The following GPR176 variants were observed in gnomAD, a reference collection of about 807,000 sequenced individuals.
The protein encoded by GPR176 is G-protein coupled receptor 176.
A neutral mutation model predicts 35.4 loss-of-function variants in GPR176; 26 were observed. The ratio of observed to expected loss-of-function variants is 0.74; its 90% confidence interval spans 0.54 to 1.02. The LOEUF is 1.02. Among genes scored for constraint, GPR176 ranks in the 50% least tolerant of loss-of-function variants. GPR176 has a pLI of 0.00. For missense variants in GPR176, 597 were observed against 665.3 expected (o/e 0.90, Z 1.13); for synonymous variants, 278 against 271.3 (o/e 1.02, Z -0.24).
intron 1 of GPR176, among the ~76,000 whole-genome samples, chr15:39,888,526 T>C (rs558586698): frequency 4.6e-5 from 7 of 152,340 alleles, no homozygotes; most frequent in African/African-American, 1.7e-4. Context: ...ACTCCTGGCC[T>C]CAACTGATCC....
intron 1 of GPR176, among the ~76,000 whole-genome samples, chr15:39,915,980 T>C (rs2033717341): frequency 2.0e-5 from 3 of 152,344 alleles, no homozygotes; most frequent in African/African-American, 7.2e-5. Flanking sequence ...AATTCATTTA[T>C]AAAAATCTCT....
At chr15:39,873,137 T>TA (rs1188312406) in intron 1 of GPR176, among the ~76,000 whole-genome samples, 2 of 152,286 alleles carry the variant, frequency 1.3e-5, no homozygotes, top group African/African-American at 4.8e-5. Flanking sequence ...GCACTATACT[T>TA]GTATTGTCTT....
At chr15:39,893,645 G>C (rs1362296522) in intron 1 of GPR176, among the ~76,000 whole-genome samples, 1 of 151,820 alleles carries the variant, frequency 6.6e-6, no homozygotes, top group Admixed American at 6.6e-5. Flanking sequence ...GGTGGTGGCC[G>C]GGCAGAGGGG....
intron 1 of GPR176, chr15:39,862,020 T>G (rs1482104967): frequency 6.6e-6 from 1 of 152,202 alleles, no homozygotes; most frequent in Non-Finnish European, 1.5e-5. Context: ...GCCACTCTAG[T>G]GGTTGCCTGA....
chr15:39,842,300 G>A (rs1386615782), intron 1 of GPR176, among the ~76,000 whole-genome samples: 1 of 151,570 alleles, frequency 6.6e-6, no homozygotes, highest in African/African-American at 2.4e-5. Context: ...AGAGTGAAGT[G>A]GGGAGTGCTG....
intron 1 of GPR176, among the ~76,000 whole-genome samples, chr15:39,914,309 CTTTTTTTT>C (rs5812146): frequency 7.0e-5 from 5 of 71,160 alleles, no homozygotes; most frequent in East Asian, 8.5e-4. Context: ...ATATCTTATT[CTTTTTTTT>C]TTTTTTTTTT....
chr15:39,869,220 T>C (rs1208265993), intron 1 of GPR176, among the ~76,000 whole-genome samples: 2 of 152,030 alleles, frequency 1.3e-5, no homozygotes, highest in African/African-American at 4.8e-5. Context: ...GGGTCCATCA[T>C]TTTACTTTAA....
chr15:39,914,537 A>T (rs182617388), intron 1 of GPR176, among the ~76,000 whole-genome samples: 23 of 152,110 alleles, frequency 1.5e-4, no homozygotes, highest in African/African-American at 3.9e-4. Flanking sequence ...CTGGTCTCGA[A>T]CACCTCAAGT....
intron 1 of GPR176, among the ~76,000 whole-genome samples, chr15:39,826,500 A>AGG (rs1461987910): frequency 6.6e-6 from 1 of 152,072 alleles, no homozygotes; most frequent in African/African-American, 2.4e-5. Context: ...CCCCACCTAC[A>AGG]GGGGGCTCCT....
At chr15:39,820,994 T>C (rs1900235748) in intron 1 of GPR176, among the ~76,000 whole-genome samples, 2 of 152,224 alleles carry the variant, frequency 1.3e-5, no homozygotes, top group African/African-American at 4.8e-5. Context: ...AAAAGGTTTC[T>C]TTGCTTTGTA....
chr15:39,893,631 A>G (rs1300493702), intron 1 of GPR176, among the ~76,000 whole-genome samples: 1 of 152,092 alleles, frequency 6.6e-6, no homozygotes, highest in African/African-American at 2.4e-5. Flanking sequence ...CACCTCCCAG[A>G]CGGGGTGGTG....
chr15:39,907,956 G>A (rs1026203503), intron 1 of GPR176, among the ~76,000 whole-genome samples: 3 of 152,166 alleles, frequency 2.0e-5, no homozygotes, highest in African/African-American at 7.2e-5. Flanking sequence ...CTGCACTCCA[G>A]CCTAGGTGAA....
intron 1 of GPR176, among the ~76,000 whole-genome samples, chr15:39,825,146 T>A (rs1411673910): frequency 6.6e-6 from 1 of 152,118 alleles, no homozygotes; most frequent in Non-Finnish European, 1.5e-5. Context: ...GGCCAGGGCC[T>A]CAGTGAGCCA....
At chr15:39,887,757 C>A (rs1429267516) in intron 1 of GPR176, among the ~76,000 whole-genome samples, 1 of 152,166 alleles carries the variant, frequency 6.6e-6, no homozygotes, top group Admixed American at 6.5e-5. Context: ...CGGAAAGATT[C>A]AAAGTTCTTT....
chr15:39,888,465 G>A (rs2032750317), intron 1 of GPR176, among the ~76,000 whole-genome samples: 1 of 152,102 alleles, frequency 6.6e-6, no homozygotes, highest in South Asian at 2.1e-4. Context: ...CTCTTGCTCT[G>A]TTGCCCAAGC....
At chr15:39,847,030 G>A (rs193101647) in intron 1 of GPR176, among the ~76,000 whole-genome samples, 12 of 152,178 alleles carry the variant, frequency 7.9e-5, no homozygotes, top group Middle Eastern at 3.4e-3. Flanking sequence ...CATAAAGGGA[G>A]AAAAAGTTTC....
intron 1 of GPR176, among the ~76,000 whole-genome samples, chr15:39,824,001 TAGG>T (rs1900452826): frequency 6.6e-6 from 1 of 152,310 alleles, no homozygotes; most frequent in South Asian, 2.1e-4. Flanking sequence ...TGGGGCCTAG[TAGG>T]AGATGTTTGA....
At chr15:39,873,666 A>G (rs753016218) in intron 1 of GPR176, among the ~76,000 whole-genome samples, 6 of 151,162 alleles carry the variant, frequency 4.0e-5, no homozygotes, top group Non-Finnish European at 5.9e-5. Flanking sequence ...TATATATTCA[A>G]TAGAAGGTGA....
chr15:39,854,141 A>G (rs899429216), intron 1 of GPR176, among the ~76,000 whole-genome samples: 10 of 152,228 alleles, frequency 6.6e-5, no homozygotes, highest in Admixed American at 3.3e-4. Context: ...ACCCAATCTC[A>G]GAGCACTGCC....
Sources: gnomAD v4.1 joint callset for allele counts (sites outside exome capture counted in the v4.1 genomes callset) on GRCh38, gnomAD v4.1.1 for gene constraint, MANE v1.5 for transcripts, NCBI Gene and HGNC (gene_info 2026-07-23, HGNC 2026-07-21) for gene names.